The following ARB2A variants were observed in gnomAD, a reference collection of about 807,000 sequenced individuals.
ARB2A encodes the protein ARB2 cotranscriptional regulator A.
At chr5:93,941,832 T>C in the ARB2A span, among the ~76,000 whole-genome samples, 1 of 152,168 alleles carries the variant, frequency 6.6e-6, no homozygotes, top group African/African-American at 2.4e-5. Flanking sequence ...AGAGACCTTG[T>C]AATATTTTTC....
the ARB2A span, among the ~76,000 whole-genome samples, chr5:93,831,027 T>A: frequency 6.6e-6 from 1 of 152,104 alleles, no homozygotes; most frequent in Non-Finnish European, 1.5e-5. Flanking sequence ...ACAATAGGGT[T>A]CATGCTTTTA....
the ARB2A span, among the ~76,000 whole-genome samples, chr5:94,004,998 CAAAAAAAAAA>C: frequency 1.8e-3 from 22 of 12,550 alleles, no homozygotes; most frequent in South Asian, 7.2e-3. Context: ...ATTTTATCAG[CAAAAAAAAAA>C]AAAAAAAAAA....
chr5:93,668,578 G>C, the ARB2A span, among the ~76,000 whole-genome samples: 3 of 152,166 alleles, frequency 2.0e-5, no homozygotes, highest in South Asian at 2.1e-4. Flanking sequence ...AATTACCAAA[G>C]AGGCAGACAA....
chr5:93,827,112 G>A, the ARB2A span, among the ~76,000 whole-genome samples: 1 of 152,116 alleles, frequency 6.6e-6, no homozygotes, highest in Non-Finnish European at 1.5e-5. Flanking sequence ...TATATCCCCA[G>A]TAATGGGATG....
the ARB2A span, among the ~76,000 whole-genome samples, chr5:93,986,441 G>A: frequency 2.7e-5 from 4 of 146,712 alleles, no homozygotes; most frequent in Non-Finnish European, 4.5e-5. Flanking sequence ...TCTGGGGGGT[G>A]GGGGGGCCCC....
chr5:93,971,674 A>G, the ARB2A span, among the ~76,000 whole-genome samples: 1 of 152,100 alleles, frequency 6.6e-6, no homozygotes, highest in Non-Finnish European at 1.5e-5. Flanking sequence ...GCTTATTATG[A>G]TTAATAAAAA....
chr5:94,050,605 A>AC, the ARB2A span: 1 of 729,254 alleles, frequency 1.4e-6, no homozygotes. Flanking sequence ...AACAAAAAAA[A>AC]AAAACAAAAA....
the ARB2A span, among the ~76,000 whole-genome samples, chr5:93,797,142 G>T: frequency 6.6e-6 from 1 of 152,158 alleles, no homozygotes; most frequent in Non-Finnish European, 1.5e-5. Flanking sequence ...CTAACAGGAA[G>T]AGGAAAACTC....
chr5:93,824,238 G>A, the ARB2A span: 13 of 1,592,540 alleles, frequency 8.2e-6, no homozygotes, highest in Non-Finnish European at 1.1e-5. Flanking sequence ...CCCAAACATA[G>A]ATTGCATGTT....
At chr5:93,681,122 G>A in the ARB2A span, among the ~76,000 whole-genome samples, 1 of 151,162 alleles carries the variant, frequency 6.6e-6, no homozygotes, top group African/African-American at 2.4e-5. Context: ...TTTTTTTCCA[G>A]TCAAGAAAAA....
At chr5:94,077,707 G>A in the ARB2A span, among the ~76,000 whole-genome samples, 2 of 152,202 alleles carry the variant, frequency 1.3e-5, no homozygotes, top group African/African-American at 4.8e-5. Flanking sequence ...GGCATTATCT[G>A]ATGGAGGTTA....
At chr5:94,032,488 C>A in the ARB2A span, among the ~76,000 whole-genome samples, 1 of 152,148 alleles carries the variant, frequency 6.6e-6, no homozygotes. Flanking sequence ...AATCCACCCC[C>A]ATGATCCAAT....
At chr5:94,101,105 T>C in the ARB2A span, among the ~76,000 whole-genome samples, 1 of 152,050 alleles carries the variant, frequency 6.6e-6, no homozygotes, top group Non-Finnish European at 1.5e-5. Flanking sequence ...AACAATGTTC[T>C]AAGAGAAAAA....
the ARB2A span, among the ~76,000 whole-genome samples, chr5:93,886,751 T>C: frequency 6.6e-6 from 1 of 151,698 alleles, no homozygotes; most frequent in Non-Finnish European, 1.5e-5. Flanking sequence ...GACCTGGGAC[T>C]GAAACGCGTG....
the ARB2A span, among the ~76,000 whole-genome samples, chr5:94,047,463 C>T: frequency 3.6e-5 from 5 of 139,360 alleles, no homozygotes; most frequent in African/African-American, 1.0e-4. Flanking sequence ...AGGCGCCTGG[C>T]GCCTGGGTGA....
the ARB2A span, among the ~76,000 whole-genome samples, chr5:93,856,406 G>T: frequency 1.3e-5 from 2 of 152,150 alleles, no homozygotes; most frequent in Admixed American, 6.5e-5. Context: ...CTCCCCGTCA[G>T]TTTCAGGTAC....
At chr5:93,936,478 A>G in the ARB2A span, among the ~76,000 whole-genome samples, 1 of 152,186 alleles carries the variant, frequency 6.6e-6, no homozygotes, top group Non-Finnish European at 1.5e-5. Context: ...AGTCTGTTAT[A>G]CCATCAACCA....
the ARB2A span, among the ~76,000 whole-genome samples, chr5:94,038,206 T>G: frequency 4.6e-5 from 7 of 152,194 alleles, no homozygotes; most frequent in South Asian, 1.2e-3. Flanking sequence ...AAGAGAAAAC[T>G]GATAAAATTT....
the ARB2A span, chr5:93,782,020 G>C: frequency 1.4e-6 from 1 of 739,696 alleles, no homozygotes; most frequent in Non-Finnish European, 1.7e-6. Flanking sequence ...GGAAACACTG[G>C]ACTCTTATCT....
Sources: gnomAD v4.1 joint callset for allele counts (sites outside exome capture counted in the v4.1 genomes callset) on GRCh38, gnomAD v4.1.1 for gene constraint, MANE v1.5 for transcripts, NCBI Gene and HGNC (gene_info 2026-07-23, HGNC 2026-07-21) for gene names.